Variants in EDA observed in about 807,000 individuals in gnomAD.
EDA encodes the protein ectodysplasin A, also known as ectodysplasin-A.
EDA carries 2 observed loss-of-function variants against 23.6 expected under a neutral mutation model. That is an observed-to-expected ratio of 0.08 (90% confidence interval 0.03 to 0.27). The LOEUF (loss-of-function observed/expected upper bound fraction) is 0.27. Ranked by LOEUF, EDA falls within the 10% of genes least tolerant of loss-of-function variation. The pLI, the probability that EDA is intolerant of heterozygous loss-of-function variation, is 1.00. For missense variants in EDA, 229 were observed against 324.2 expected (o/e 0.71, Z 2.26); for synonymous variants, 131 against 132.0 (o/e 0.99, Z 0.05).
At chrX:69,779,677 G>A (rs780293380) in intron 1 of EDA, among the ~76,000 whole-genome samples, 1 of 111,398 alleles carries the variant, frequency 9.0e-6, no homozygotes, top group Non-Finnish European at 1.9e-5. Flanking sequence ...AGTACTAAAC[G>A]CTACTGAATT....
chrX:69,981,660 G>C (rs2019409656), intron 2 of EDA, among the ~76,000 whole-genome samples: 1 of 111,998 alleles, frequency 8.9e-6, no homozygotes, highest in Admixed American at 9.5e-5. Flanking sequence ...TTCTCTAGAA[G>C]CTTTTTCAGA....
chrX:69,966,706 C>T (rs368888500), intron 2 of EDA, among the ~76,000 whole-genome samples: 26 of 109,200 alleles, frequency 2.4e-4, no homozygotes, highest in Admixed American at 1.8e-3. Flanking sequence ...AAATAAACTA[C>T]GACATAGACA....
At chrX:69,727,655 G>A (rs906458831) in intron 1 of EDA, among the ~76,000 whole-genome samples, 2 of 111,920 alleles carry the variant, frequency 1.8e-5, no homozygotes, top group African/African-American at 6.5e-5. Context: ...GGCACTTGCT[G>A]TACTGTACCA....
chrX:69,634,981 G>T (rs1294125729), intron 1 of EDA, among the ~76,000 whole-genome samples: 2 of 111,894 alleles, frequency 1.8e-5, no homozygotes, highest in Admixed American at 1.9e-4. Context: ...TGAATATTAT[G>T]TACAGTGTTC....
intron 1 of EDA, among the ~76,000 whole-genome samples, chrX:69,710,831 CA>C (rs201986003): frequency 0.059 from 6,553 of 111,219 alleles, 463 homozygotes; most frequent in African/African-American, 0.2. Flanking sequence ...GTGATTTTTG[CA>C]CATTGATTTT....
chrX:69,660,825 A>G (rs1295637615), intron 1 of EDA, among the ~76,000 whole-genome samples: 1 of 111,718 alleles, frequency 9.0e-6, no homozygotes, highest in Non-Finnish European at 1.9e-5. Context: ...TCTTTATAGC[A>G]GCATGATTTA....
At chrX:69,943,359 C>A (rs980033206) in intron 1 of EDA, among the ~76,000 whole-genome samples, 8 of 111,777 alleles carry the variant, frequency 7.2e-5, no homozygotes, top group Admixed American at 3.8e-4. Context: ...GTGTTGTGAT[C>A]TAAGTCTTTG....
chrX:69,647,435 A>G (rs1366441565), intron 1 of EDA, among the ~76,000 whole-genome samples: 7 of 111,164 alleles, frequency 6.3e-5, no homozygotes, highest in African/African-American at 2.3e-4. Context: ...TTTCAGAAAG[A>G]TAGTCTTGAA....
At chrX:69,947,066 T>G (rs1399672956) in intron 1 of EDA, among the ~76,000 whole-genome samples, 2 of 112,636 alleles carry the variant, frequency 1.8e-5, no homozygotes, top group African/African-American at 6.4e-5. Flanking sequence ...CTTTAGTGAT[T>G]TCCAGGTACT....
At chrX:69,723,285 T>G in intron 1 of EDA, among the ~76,000 whole-genome samples, 1 of 112,194 alleles carries the variant, frequency 8.9e-6, no homozygotes, top group Non-Finnish European at 1.9e-5. Context: ...TTCAAAATAC[T>G]TACCTTGTGT....
At chrX:69,825,668 T>A (rs1227300126) in intron 1 of EDA, among the ~76,000 whole-genome samples, 1 of 113,328 alleles carries the variant, frequency 8.8e-6, no homozygotes, top group African/African-American at 3.2e-5. Context: ...TTCATTAATT[T>A]TTTGAAGGGT....
At chrX:69,660,226 A>T (rs977600821) in intron 1 of EDA, among the ~76,000 whole-genome samples, 3 of 111,570 alleles carry the variant, frequency 2.7e-5, no homozygotes, top group Non-Finnish European at 5.6e-5. Context: ...GTATTAAATC[A>T]TGTCTTAGGA....
At position 69,929,706 on chromosome X, in the gene EDA, TTGTGTGTGTGTGTG is replaced by T. The variant is rs4007701; in HGVS notation, c.397-27286_397-27273del. ...GAAAACACTTCACTTCATTCTATTT[TTGTGTGTGTGTGTG>T]TGTGTGTGTGTGTGTGTGTGTGTGT... On this transcript the variant is annotated intron_variant, in intron 1 of 7. Coordinates refer to ENST00000374552, the MANE Select transcript of EDA (RefSeq NM_001399.5). Among the ~76,000 whole-genome samples the T allele has an allele frequency of 1.9e-3, 158 of 84,335 alleles. 1 individual carries two copies. Among genetic ancestry groups the T allele is most frequent in the Non-Finnish European group, 2.3e-3 (98 of 43,111 alleles). 73.2% of individuals were successfully genotyped at this position (84,335 alleles called of 115,157 possible).
At chrX:69,689,867 T>A (rs1934659755) in intron 1 of EDA, among the ~76,000 whole-genome samples, 1 of 112,104 alleles carries the variant, frequency 8.9e-6, no homozygotes, top group African/African-American at 3.2e-5. Context: ...GTTTTCAGTA[T>A]AAGTTCTACA....
chrX:69,889,135 T>A (rs2017884730), intron 1 of EDA, among the ~76,000 whole-genome samples: 1 of 102,239 alleles, frequency 9.8e-6, no homozygotes, highest in Admixed American at 1.1e-4. Context: ...GTTTTTTACT[T>A]TTTATTTATT....
chrX:69,734,225 CAG>C (rs2013162449), intron 1 of EDA, among the ~76,000 whole-genome samples: 1 of 111,351 alleles, frequency 9.0e-6, no homozygotes, highest in Non-Finnish European at 1.9e-5. Flanking sequence ...TACATGGACA[CAG>C]TGTTATTTGT....
At chrX:69,848,499 C>A (rs945927531) in intron 1 of EDA, among the ~76,000 whole-genome samples, 4 of 111,148 alleles carry the variant, frequency 3.6e-5, no homozygotes, top group Non-Finnish European at 5.7e-5. Context: ...ACCATTTTTT[C>A]TTTATCTCCT....
intron 1 of EDA, among the ~76,000 whole-genome samples, chrX:69,856,897 G>T (rs2017267981): frequency 9.0e-6 from 1 of 111,608 alleles, no homozygotes; most frequent in South Asian, 3.7e-4. Context: ...ATTTGACTTT[G>T]TTTTTGTTGC....
intron 1 of EDA, among the ~76,000 whole-genome samples, chrX:69,664,538 C>T (rs1434920354): frequency 8.9e-6 from 1 of 112,004 alleles, no homozygotes; most frequent in Non-Finnish European, 1.9e-5. Flanking sequence ...CATGAGAACA[C>T]CTAATACATC....
Sources: gnomAD v4.1 joint callset for allele counts (sites outside exome capture counted in the v4.1 genomes callset) on GRCh38, gnomAD v4.1.1 for gene constraint, MANE v1.5 for transcripts, NCBI Gene and HGNC (gene_info 2026-07-23, HGNC 2026-07-21) for gene names.